Variants in MDGA2 observed in about 807,000 individuals in gnomAD.
The protein encoded by MDGA2 is MAM domain-containing glycosylphosphatidylinositol anchor protein 2.
Under a neutral mutation model 117.8 loss-of-function variants are expected in MDGA2, and 40 were observed. The observed-to-expected ratio is 0.34, with a 90% CI of 0.26 to 0.44. The LOEUF is 0.44. Ranked by LOEUF, MDGA2 falls within the 20% of genes least tolerant of loss-of-function variation. The pLI, the probability that MDGA2 is intolerant of heterozygous loss-of-function variation, is 1.00. For synonymous variants in MDGA2, 452 were observed against 439.0 expected (o/e 1.03, Z -0.37); for missense variants, 1,123 against 1,250.6 (o/e 0.90, Z 1.54).
At chr14:47,490,827 C>T (rs928025091) in intron 1 of MDGA2, among the ~76,000 whole-genome samples, 1 of 151,938 alleles carries the variant, frequency 6.6e-6, no homozygotes, top group East Asian at 1.9e-4. Context: ...TGTATGATTC[C>T]CTGATCCTCC....
intron 2 of MDGA2, among the ~76,000 whole-genome samples, chr14:47,273,996 A>C (rs1888228990): frequency 6.6e-6 from 1 of 152,160 alleles, no homozygotes; most frequent in African/African-American, 2.4e-5. Flanking sequence ...GTTTCAGATA[A>C]ATTATTCTAG....
intron 1 of MDGA2, among the ~76,000 whole-genome samples, chr14:47,469,479 A>T (rs1188003231): frequency 6.6e-6 from 1 of 152,202 alleles, no homozygotes; most frequent in African/African-American, 2.4e-5. Flanking sequence ...ACAAAGGACA[A>T]GAACTCATCA....
intron 14 of MDGA2, among the ~76,000 whole-genome samples, chr14:46,863,317 T>C (rs927621217): frequency 1.3e-5 from 2 of 152,176 alleles, no homozygotes; most frequent in African/African-American, 4.8e-5. Flanking sequence ...TTCTGACTTT[T>C]ATTTTATTCA....
At position 46,843,142 on chromosome 14, in the gene MDGA2, GA is replaced by G. The variant is rs146641313; in HGVS notation, c.2990-1124del. Among the ~76,000 whole-genome samples the G allele has an allele frequency of 5.1e-3, 754 of 147,428 alleles. 4 individuals carry two copies. Among genetic ancestry groups the G allele is most frequent in the African/African-American group, 0.016 (665 of 40,518 alleles). ...ATTTCTTGGATTTGCTAGTTTAAGAGAAAAAAAAAACTAATTATAAAAATGT... is the reference window on the plus strand; with the variant it reads ...ATTTCTTGGATTTGCTAGTTTAAGAGAAAAAAAAACTAATTATAAAAATGT... On this transcript the variant is annotated intron_variant, in intron 16 of 16. Transcript: ENST00000399232.
chr14:47,299,917 C>T (rs1889218603), intron 2 of MDGA2, among the ~76,000 whole-genome samples: 1 of 152,134 alleles, frequency 6.6e-6, no homozygotes, highest in African/African-American at 2.4e-5. Flanking sequence ...CCTTTTTCAA[C>T]ATTTTTAATA....
At chr14:47,410,197 A>G (rs1026519323) in intron 1 of MDGA2, among the ~76,000 whole-genome samples, 1 of 152,158 alleles carries the variant, frequency 6.6e-6, no homozygotes, top group African/African-American at 2.4e-5. Context: ...GGCTTTAACC[A>G]TTTAGCACCA....
chr14:46,852,651 G>C (rs1016896539), intron 15 of MDGA2, among the ~76,000 whole-genome samples: 1 of 151,836 alleles, frequency 6.6e-6, no homozygotes, highest in Non-Finnish European at 1.5e-5. Flanking sequence ...GCATTCACAG[G>C]ACTGGGAATG....
At chr14:47,040,900 T>C (rs945528305) in intron 7 of MDGA2, among the ~76,000 whole-genome samples, 2 of 152,082 alleles carry the variant, frequency 1.3e-5, no homozygotes, top group African/African-American at 4.8e-5. Flanking sequence ...TGCTTTCCTG[T>C]TTGGCACAGA....
chr14:46,968,222 G>A (rs941763726), intron 8 of MDGA2, among the ~76,000 whole-genome samples: 1 of 152,096 alleles, frequency 6.6e-6, no homozygotes. Flanking sequence ...GCTATTATGG[G>A]ACCAAGACAA....
chr14:47,181,504 T>C (rs1000198479), intron 3 of MDGA2, among the ~76,000 whole-genome samples: 3 of 152,248 alleles, frequency 2.0e-5, no homozygotes, highest in African/African-American at 7.2e-5. Context: ...GAAGCCATCA[T>C]CGTCAGCAAA....
intron 1 of MDGA2, among the ~76,000 whole-genome samples, chr14:47,315,064 A>AT (rs538031134): frequency 6.6e-6 from 1 of 151,990 alleles, no homozygotes; most frequent in Non-Finnish European, 1.5e-5. Flanking sequence ...GTATTTTTCA[A>AT]TTTTTTTGTA....
chr14:47,034,289 G>T (rs113782361), intron 8 of MDGA2, among the ~76,000 whole-genome samples: 22 of 152,184 alleles, frequency 1.4e-4, no homozygotes, highest in African/African-American at 4.3e-4. Context: ...AAAATCAAAT[G>T]TAAAGTCCAT....
Position 47,501,615 on chromosome 14 carries a change from G to A in MDGA2, c.280+172902C>T, listed in dbSNP as rs577261077. Among the ~76,000 whole-genome samples, 6 of 152,264 alleles carry A rather than the reference G, an allele frequency of 3.9e-5. No individual in the cohort carries two copies. In the South Asian group the frequency reaches 6.2e-4, roughly 16 times the overall value. On this transcript the variant is annotated intron_variant, in intron 1 of 16. Transcript: ENST00000399232. ...GTTAAATGAGGTCAATTAACCTCAA[G>A]TTAAAATTAGGTCATTAGAGTGGGC...
At chr14:47,317,027 A>G (rs572076418) in intron 1 of MDGA2, among the ~76,000 whole-genome samples, 28 of 152,236 alleles carry the variant, frequency 1.8e-4, no homozygotes, top group African/African-American at 5.3e-4. Context: ...ATTAGCTACC[A>G]GTACCTTAAA....
chr14:47,079,471 T>A (rs1890619066), intron 6 of MDGA2, among the ~76,000 whole-genome samples: 1 of 152,112 alleles, frequency 6.6e-6, no homozygotes, highest in African/African-American at 2.4e-5. Flanking sequence ...CAAGCTAGAA[T>A]GAAATAATAT....
intron 8 of MDGA2, among the ~76,000 whole-genome samples, chr14:46,974,042 C>A (rs1334261049): frequency 6.6e-6 from 1 of 151,614 alleles, no homozygotes; most frequent in African/African-American, 2.4e-5. Flanking sequence ...CCCAGCTAAT[C>A]AGCTGCATTT....
At chr14:47,067,043 A>G (rs1043413872) in intron 6 of MDGA2, among the ~76,000 whole-genome samples, 12 of 152,192 alleles carry the variant, frequency 7.9e-5, no homozygotes, top group Non-Finnish European at 1.6e-4. Flanking sequence ...TGAACCCGGG[A>G]ACCGGAGGTT....
rs185650488 is a variant in MDGA2 at position 47,118,253 on chromosome 14, G to A, written c.925+13461C>T. Reference sequence around the variant, plus strand: ...AGAGCAGATTGTTGCCATGTTCTAGGACAATGCTCCTACATGATAAAGGAG... The same window carrying A: ...AGAGCAGATTGTTGCCATGTTCTAGAACAATGCTCCTACATGATAAAGGAG... On this transcript the variant is annotated intron_variant, in intron 5 of 16. Transcript: ENST00000399232. Among the ~76,000 whole-genome samples the A allele has an allele frequency of 3.3e-4, 50 of 152,220 alleles. 1 individual carries two copies. The highest frequency in any genetic ancestry group is 1.2e-3 in the Admixed American group (18 of 15,266).
chr14:47,116,269 C>T lies in MDGA2; in HGVS notation c.925+15445G>A, dbSNP rs559230240. On this transcript the variant is annotated intron_variant, in intron 5 of 16. Transcript: ENST00000399232. ...TTGGTGAAGGAGGTGAAACAGGGCA[C>T]AAACAAATGAAAAGACATCACATTT... Among the ~76,000 whole-genome samples the T allele has an allele frequency of 3.4e-3, 512 of 152,018 alleles. 3 individuals are homozygous for T. The highest frequency in any genetic ancestry group is 0.02 in the Middle Eastern group (6 of 294).
Sources: gnomAD v4.1 joint callset for allele counts (sites outside exome capture counted in the v4.1 genomes callset) on GRCh38, gnomAD v4.1.1 for gene constraint, MANE v1.5 for transcripts, NCBI Gene and HGNC (gene_info 2026-07-23, HGNC 2026-07-21) for gene names.